COL7A1: variants seen among roughly 807,000 people sequenced by gnomAD.
COL7A1 encodes collagen type VII alpha 1 chain.
COL7A1 carries 296 observed loss-of-function variants against 456.2 expected under a neutral mutation model. The ratio of observed to expected loss-of-function variants is 0.65; its 90% confidence interval spans 0.59 to 0.71. COL7A1 has a LOEUF of 0.71. COL7A1 is among the 30% of genes least tolerant of loss of function. COL7A1 has a pLI of 0.00. For synonymous variants in COL7A1, 1,464 were observed against 1,525.9 expected (o/e 0.96, Z 0.95); for missense variants, 3,441 against 4,017.2 (o/e 0.86, Z 3.88).
intron 44 of COL7A1, 138 bp from the exon 45 acceptor site, chr3:48,582,791 G>A: frequency 8.8e-7 from 1 of 1,142,644 alleles, no homozygotes; most frequent in Non-Finnish European, 1.3e-6. Flanking sequence ...AGACTTGGCA[G>A]GAGAACAGAG....
In COL7A1 at chr3:48,580,771, C is replaced by T; in HGVS notation, c.4980+111G>A. 1 of 1,563,354 alleles carries T rather than the reference C, an allele frequency of 6.4e-7. No individual in the cohort carries two copies. Among genetic ancestry groups the T allele is most frequent in the Non-Finnish European group, 8.8e-7 (1 of 1,135,838 alleles). On this transcript the variant is annotated intron_variant, in intron 54 of 118. Coordinates refer to ENST00000681320, the MANE Select transcript of COL7A1 (RefSeq NM_000094.4). This position sits in a 1 kb window ranked among gnomAD's most constrained non-coding sequence, Gnocchi z 4.5. ...AAATCCACATCAGAGGTTCCCATCACCCCATGCCTCCCTGCAGGGACTCCC... is the reference window on the plus strand; with the variant it reads ...AAATCCACATCAGAGGTTCCCATCATCCCATGCCTCCCTGCAGGGACTCCC...
In COL7A1 at chr3:48,582,977, G is replaced by A. The variant is rs369461490; in HGVS notation, c.4518+36C>T. The A allele has an allele frequency of 5.6e-6, 9 of 1,614,038 alleles. No individual in the cohort carries two copies. In the African/African-American group the frequency reaches 1.2e-4, roughly 22 times the overall value. On this transcript the variant is annotated intron_variant, in intron 44 of 118. Transcript: ENST00000681320. ...TCAGAACCAGAAAGGGCACAGCCAG[G>A]TCAGCTGGTATGAGCATTGCAGCCA... is the stretch of plus-strand genomic sequence containing the variant.
Position 48,585,867 on chromosome 3 carries a change from A to G in COL7A1, c.3760-11T>C. On this transcript the variant is annotated splice_polypyrimidine_tract_variant and intron_variant, in intron 29 of 118. Transcript: ENST00000681320. This position sits in a 1 kb window ranked among gnomAD's most constrained non-coding sequence, Gnocchi z 4.5. ...TTCCCCCTTCTGGCCCTGGGGAAAG[A>G]CATGTCAGATGTGGGTCAGAGTGGC... 1.2e-6 allele frequency: 2 copies of G among 1,614,110 alleles called. No individual in the cohort carries two copies. Among genetic ancestry groups the G allele is most frequent in the Non-Finnish European group, 8.5e-7 (1 of 1,180,014 alleles).
chr3:48,584,034 C>G lies in COL7A1; in HGVS notation c.4224+1G>C. 1 of 1,614,126 alleles carries G rather than the reference C, an allele frequency of 6.2e-7. No homozygotes were observed. Among genetic ancestry groups the G allele is most frequent in the Non-Finnish European group, 8.5e-7 (1 of 1,180,022 alleles). On this transcript the variant is annotated splice_donor_variant, in intron 38 of 118. Coordinates refer to ENST00000681320, the MANE Select transcript of COL7A1 (RefSeq NM_000094.4). LOFTEE classifies it high-confidence loss of function. ...CCTAGCACAACCTGTCCCTCACTTA[C>G]CCGCTCCCCACGATCGCCTTTGTCA...
In COL7A1 at chr3:48,594,989, C is replaced by T; in HGVS notation, c.85+86G>A. 4 of 1,102,688 alleles carry T rather than the reference C, an allele frequency of 3.6e-6. No homozygotes were observed. Among genetic ancestry groups the T allele is most frequent in the Non-Finnish European group, 2.6e-6 (2 of 756,728 alleles). 68.3% of individuals were successfully genotyped at this position (1,102,688 alleles called of 1,614,324 possible). On this transcript the variant is annotated intron_variant, in intron 2 of 118. Transcript: ENST00000681320. This position sits in a 1 kb window ranked among gnomAD's most constrained non-coding sequence, Gnocchi z 5.5. ...GTCGTGGAGTTGGCTGGGTTGTGGG[C>T]GGGGGGTGTTGGGGATGAAGGCCGA...
rs1215560854 is a variant in COL7A1, at chr3:48,586,431, G to A, written c.3451C>T (p.Pro1151Ser). The A allele has an allele frequency of 6.2e-7, 1 of 1,613,860 alleles. No homozygotes were observed. Reference protein sequence around the residue: ...AHRYMLAPDAPGRRQHVPGVM... With the variant: ...AHRYMLAPDASGRRQHVPGVM... Reference sequence around the variant, plus strand: ...CCTGGTACGTGCTGGCGGCGCCCAGGAGCATCTGGTGCCAACATGTATCTG... The same window carrying A: ...CCTGGTACGTGCTGGCGGCGCCCAGAAGCATCTGGTGCCAACATGTATCTG... Residue 1151 changes from proline to serine, a missense_variant, in exon 27 of 119, where the codon CCT becomes TCT. By Grantham distance (74) the Pro-to-Ser change is moderately conservative. Coordinates refer to ENST00000681320, the MANE Select transcript of COL7A1 (RefSeq NM_000094.4). This position sits in a 1 kb window ranked among gnomAD's most constrained non-coding sequence, Gnocchi z 5.1.
In COL7A1 at chr3:48,574,819, G is replaced by C; in HGVS notation, c.6326C>G (p.Pro2109Arg). ...GACCTTAGCACCCTTGAGTCCAGGG[G>C]GTCCCTGTTCTCCAGAGAGTCCAGG... is the stretch of plus-strand genomic sequence containing the variant. ...PGPGLSGEQG[P>R]PGLKGAKGEP... is the part of the protein sequence containing the mutation. Residue 2109 changes from proline to arginine, a missense_variant, in exon 77 of 119, where the codon CCC (proline) becomes CGC (arginine). By Grantham distance (103) the Pro-to-Arg change is moderately radical. This residue lies in a region of COL7A1 where 2,084 missense variants were observed against 2,501.3 expected (regional missense o/e 0.83). Transcript: ENST00000681320. This position sits in a 1 kb window ranked among gnomAD's most constrained non-coding sequence, Gnocchi z 5.0. 1 of 1,613,976 alleles carries C rather than the reference G, an allele frequency of 6.2e-7. No homozygotes were observed. The highest frequency in any genetic ancestry group is 2.2e-5 in the East Asian group (1 of 44,882).
Position 48,579,929 on chromosome 3 carries a change from T to C in COL7A1, c.5124+102A>G. The C allele has an allele frequency of 6.2e-7, 1 of 1,603,478 alleles. No individual in the cohort carries two copies. Among genetic ancestry groups the C allele is most frequent in the Non-Finnish European group, 8.5e-7 (1 of 1,170,946 alleles). On this transcript the variant is annotated intron_variant, in intron 57 of 118. Transcript: ENST00000681320. The surrounding 1 kb of genome is among the most constrained non-coding windows in gnomAD (Gnocchi z 4.4). ...ATCCGCGGAGGTTTCAGAGGGACAG[T>C]GGGGGAAGTGGGAGTTAGTGGAAGG...
Position 48,572,743 on chromosome 3 carries a change from T to C in COL7A1, c.6832-4A>G, listed in dbSNP as rs1369581021. 2.5e-6 allele frequency: 4 copies of C among 1,610,504 alleles called. No individual in the cohort carries two copies. The African/African-American group carries it at 4.0e-5, about 16-fold the overall frequency. On this transcript the variant is annotated splice_region_variant and splice_polypyrimidine_tract_variant and intron_variant, in intron 87 of 118. Transcript: ENST00000681320. The surrounding 1 kb of genome is among the most constrained non-coding windows in gnomAD (Gnocchi z 4.6). The stretch of plus-strand genomic sequence containing the variant: ...GGCCAGGCAGACCTGGTGACCCCTA[T>C]GGCAGAGCAGCGTGAGGAACTCAGT...
Position 48,575,321 on chromosome 3 carries a change from G to A in COL7A1, c.6180+18C>T, listed in dbSNP as rs372162756. ...CAACCCCTCTTCCCTCACTCTCCTG[G>A]CCAGCCCCCAGCCTCACCCTCTCTC... On this transcript the variant is annotated intron_variant, in intron 74 of 118. Transcript: ENST00000681320. The surrounding 1 kb of genome is among the most constrained non-coding windows in gnomAD (Gnocchi z 6.3). 1.4e-5 allele frequency: 23 copies of A among 1,612,918 alleles called. No individual in the cohort carries two copies. The highest frequency in any genetic ancestry group is 1.1e-4 in the South Asian group (10 of 91,056).
Position 48,574,363 on chromosome 3 carries a change from C to A in COL7A1, c.6457-57G>T. Reference sequence around the variant, plus strand: ...CCAGTTCCAACTTCCCCTCCACCCACCATCCCCCTAGACAGAGTCAGGACC... The same window carrying A: ...CCAGTTCCAACTTCCCCTCCACCCAACATCCCCCTAGACAGAGTCAGGACC... On this transcript the variant is annotated intron_variant, in intron 79 of 118. Coordinates refer to ENST00000681320, the MANE Select transcript of COL7A1 (RefSeq NM_000094.4). This position sits in a 1 kb window ranked among gnomAD's most constrained non-coding sequence, Gnocchi z 5.0. The A allele has an allele frequency of 6.2e-7, 1 of 1,613,686 alleles. No homozygotes were observed. The highest frequency in any genetic ancestry group is 1.3e-5 in the African/African-American group (1 of 75,018).
Position 48,588,282 on chromosome 3 carries a change from C to A in COL7A1, c.2710G>T (p.Gly904Cys), listed in dbSNP as rs781144604. Residue 904 changes from glycine (G) to cysteine (C), a missense_variant and splice_region_variant, in exon 21 of 119, where the codon GGT becomes TGT. Around this residue, in one of 3 missense-constraint regions of COL7A1, gnomAD observed 444 missense variants for 427.6 expected, o/e 1.04. Transcript: ENST00000681320. The surrounding 1 kb of genome is among the most constrained non-coding windows in gnomAD (Gnocchi z 4.6). ...QGFLLHWQPE[G>C]GQEQSRVLGP... ...ACTTCCTCCTGGGGACACCTCTCAC[C>A]CTCAGGTTGCCAGTGCAGAAGGAAG... 9.9e-6 allele frequency: 16 copies of A among 1,612,940 alleles called. No homozygotes were observed. Among genetic ancestry groups the A allele is most frequent in the Non-Finnish European group, 1.3e-5 (15 of 1,180,016 alleles).
In COL7A1 at chr3:48,585,239, G is replaced by A; in HGVS notation, c.3895-123C>T. 1 of 968,212 alleles carries A rather than the reference G, an allele frequency of 1.0e-6. No individual in the cohort carries two copies. Among genetic ancestry groups the A allele is most frequent in the Non-Finnish European group, 1.6e-6 (1 of 638,288 alleles). 60.0% of individuals were successfully genotyped at this position (968,212 alleles called of 1,614,324 possible). ...CACTGACCCCCAAGTGTTATTGGGG[G>A]TGGAACAGTGAGGCAGAGAAATGGC... is the stretch of plus-strand genomic sequence containing the variant. On this transcript the variant is annotated intron_variant, in intron 32 of 118. Transcript: ENST00000681320. This position sits in a 1 kb window ranked among gnomAD's most constrained non-coding sequence, Gnocchi z 4.5.
chr3:48,573,197 G>T lies in COL7A1; in HGVS notation c.6691C>A (p.Pro2231Thr), dbSNP rs369838476. ...GPTGAVGLPG[P>T]PGPSGLVGPQ... ...ACCACAAGGCCTGAAGGGCCGGGGG[G>T]TCCAGGAAGTCCCACAGCTCCAGTA... is the stretch of plus-strand genomic sequence containing the variant. Residue 2231 changes from proline (P) to threonine (T), a missense_variant, in exon 85 of 119, where the codon CCC becomes ACC. Physicochemically the swap from Pro to Thr is conservative, Grantham distance 38. This residue lies in a region of COL7A1 where 2,084 missense variants were observed against 2,501.3 expected (regional missense o/e 0.83). Transcript: ENST00000681320. The surrounding 1 kb of genome is among the most constrained non-coding windows in gnomAD (Gnocchi z 5.5). The T allele has an allele frequency of 2.5e-6, 4 of 1,614,126 alleles. No homozygotes were observed. Among genetic ancestry groups the T allele is most frequent in the South Asian group, 1.1e-5 (1 of 91,092 alleles).
In COL7A1 at chr3:48,583,478, A is replaced by G; in HGVS notation, c.4402-50T>C. 6.2e-7 allele frequency: 1 copy of G among 1,614,018 alleles called. No homozygotes were observed. Among genetic ancestry groups the G allele is most frequent in the East Asian group, 2.2e-5 (1 of 44,874 alleles). On this transcript the variant is annotated intron_variant, in intron 41 of 118. Transcript: ENST00000681320. This position sits in a 1 kb window ranked among gnomAD's most constrained non-coding sequence, Gnocchi z 5.1. ...CAGAGATTTGGGTTTGGGCATGAGG[A>G]TGGAGCAGTGGTTGATGATTGAGGT...
Position 48,565,896 on chromosome 3 carries a change from C to T in COL7A1, c.8408-228G>A, listed in dbSNP as rs552510566. On this transcript the variant is annotated intron_variant, in intron 114 of 118. Coordinates refer to ENST00000681320, the MANE Select transcript of COL7A1 (RefSeq NM_000094.4). This position sits in a 1 kb window ranked among gnomAD's most constrained non-coding sequence, Gnocchi z 4.5. ...GAACAGGCCAACAAAAGGCAAGAGA[C>T]AGAAGCAGGCCAGACACAGAAACAG... is the stretch of plus-strand genomic sequence containing the variant. Among the ~76,000 whole-genome samples, 3 of 152,224 alleles carry T rather than the reference C, an allele frequency of 2.0e-5. No individual in the cohort carries two copies. The highest frequency in any genetic ancestry group is 4.1e-4 in the South Asian group (2 of 4,826).
chr3:48,578,824 C>A lies in COL7A1; in HGVS notation c.5424+95G>T. ...TCCCAAAGGCAAGGCTGAACCGACCCCCCACCAACTCTCTCGGATGCTGTG... is the reference window on the plus strand; with the variant it reads ...TCCCAAAGGCAAGGCTGAACCGACCACCCACCAACTCTCTCGGATGCTGTG... On this transcript the variant is annotated intron_variant, in intron 63 of 118. Coordinates refer to ENST00000681320, the MANE Select transcript of COL7A1 (RefSeq NM_000094.4). The surrounding 1 kb of genome is among the most constrained non-coding windows in gnomAD (Gnocchi z 4.7). 1 of 1,346,418 alleles carries A rather than the reference C, an allele frequency of 7.4e-7. No individual in the cohort carries two copies. 83.4% of individuals were successfully genotyped at this position (1,346,418 alleles called of 1,614,324 possible). A position where few individuals can be genotyped will look rare whatever the true frequency, so the allele number is the denominator to read the frequency against.
rs1235806547 is a variant in COL7A1, at chr3:48,588,856, T to C, written c.2440+14A>G. 3 of 1,613,326 alleles carry C rather than the reference T, an allele frequency of 1.9e-6. No homozygotes were observed. The African/African-American group carries it at 4.0e-5, about 22-fold the overall frequency. The stretch of plus-strand genomic sequence containing the variant: ...CCAGCCAGGAAGGACAGGGGTGGCG[T>C]CAGGGAGCCATACCTTCACTCCGGC... On this transcript the variant is annotated intron_variant, in intron 19 of 118. Coordinates refer to ENST00000681320, the MANE Select transcript of COL7A1 (RefSeq NM_000094.4). The surrounding 1 kb of genome is among the most constrained non-coding windows in gnomAD (Gnocchi z 4.6).
rs544930935 is a variant in COL7A1, at chr3:48,594,209, C to T, written c.266+159G>A. Among the ~76,000 whole-genome samples, 2 of 152,294 alleles carry T rather than the reference C, an allele frequency of 1.3e-5. No individual in the cohort carries two copies. The highest frequency in any genetic ancestry group is 1.9e-4 in the East Asian group (1 of 5,178). On this transcript the variant is annotated intron_variant, in intron 3 of 118. Coordinates refer to ENST00000681320, the MANE Select transcript of COL7A1 (RefSeq NM_000094.4). This position sits in a 1 kb window ranked among gnomAD's most constrained non-coding sequence, Gnocchi z 5.5. ...GAAGGTTCTACCTAGGGAATCCTTA[C>T]CTCTGTCTCCAAAGGAGGTCCTGGC...
Sources: allele counts gnomAD v4.1 joint callset (sites outside exome capture counted in the v4.1 genomes callset), GRCh38; gene constraint gnomAD v4.1.1; regional missense constraint gnomAD v4.1.1; non-coding constraint Gnocchi (gnomAD v3.1); transcripts MANE v1.5; gene names NCBI Gene and HGNC (gene_info 2026-07-23, HGNC 2026-07-21).